The following NOTCH1 variants were observed in gnomAD, a reference collection of about 807,000 sequenced individuals.
The protein encoded by NOTCH1 is neurogenic locus notch homolog protein 1.
NOTCH1 carries 37 observed loss-of-function variants against 254.8 expected under a neutral mutation model. The ratio of observed to expected loss-of-function variants is 0.15; its 90% CI spans 0.11 to 0.19. The LOEUF (loss-of-function observed/expected upper bound fraction) is 0.19, where lower values mean the gene tolerates loss of function less well. NOTCH1 is among the 10% of genes least tolerant of loss of function. The pLI is 1.00. For missense variants in NOTCH1, 2,972 were observed against 3,708.6 expected (o/e 0.80, Z 5.16); for synonymous variants, 1,731 against 1,618.1 (o/e 1.07, Z -1.68).
chr9:136,502,040 A>G lies in NOTCH1; in HGVS notation c.5433T>C (p.Asn1811=), dbSNP rs1843005487. Residue 1811 remains asparagine (N), a synonymous_variant, in exon 29 of 34, where the codon AAT becomes AAC. Transcript: ENST00000651671. ...SDGALMDDNQ[N]EWGDEDLETK... ...TCTCCAGGTCCTCGTCCCCCCACTC[A>G]TTCTGGTTGTCGTCCATGAGGGCAC... The G allele has an allele frequency of 1.2e-6, 2 of 1,613,074 alleles. No homozygotes were observed. The highest frequency in any genetic ancestry group is 1.1e-5 in the South Asian group (1 of 91,082).
chr9:136,512,445 G>A (rs1275634932), intron 15 of NOTCH1, among the ~76,000 whole-genome samples: 1 of 152,206 alleles, frequency 6.6e-6, no homozygotes, highest in Non-Finnish European at 1.5e-5. Flanking sequence ...ATCATTTCCT[G>A]TGATCCCCTT....
rs1308322137 is a variant in NOTCH1, at chr9:136,504,204, C to CT, written c.5018+468dup. On this transcript the variant is annotated intron_variant, in intron 26 of 33. Transcript: ENST00000651671. ...GTTTTGTTTTTTACTTCTTTTAATA[C>CT]TTTTTTAAAAAAAACAGAGACAAGG... 7.2e-5 allele frequency among the ~76,000 whole-genome samples: 11 copies of CT among 152,358 alleles called. No homozygotes were observed. The South Asian group carries it at 2.1e-3, about 29-fold the overall frequency.
At chr9:136,502,143 A>G (rs2133330391) in intron 28 of NOTCH1, 55 bp from the exon 29 acceptor site, 1 of 1,606,952 alleles carries the variant, frequency 6.2e-7, no homozygotes. Flanking sequence ...GGAAGCCCCC[A>G]GAGACCCCTG....
intron 22 of NOTCH1, 120 bp from the exon 23 acceptor site, chr9:136,507,093 A>AG: frequency 6.7e-7 from 1 of 1,494,346 alleles, no homozygotes; most frequent in Non-Finnish European, 9.1e-7. Flanking sequence ...CGGGAGAGGC[A>AG]GGTGTCAAGG....
At chr9:136,533,659 C>T (rs1162165782) in intron 2 of NOTCH1, among the ~76,000 whole-genome samples, 5 of 152,244 alleles carry the variant, frequency 3.3e-5, no homozygotes, top group South Asian at 2.1e-4. Context: ...CCCGCAGGGT[C>T]GAGGGCAGGA....
chr9:136,529,631 C>T (rs1009907848), intron 2 of NOTCH1, among the ~76,000 whole-genome samples: 1 of 152,244 alleles, frequency 6.6e-6, no homozygotes, highest in African/African-American at 2.4e-5. Context: ...CAAGGAAGGC[C>T]CCGGGCTCCT....
At chr9:136,510,422 G>T in intron 17 of NOTCH1, 1 of 613,912 alleles carries the variant, frequency 1.6e-6, no homozygotes, top group Non-Finnish European at 2.9e-6. Flanking sequence ...AGCCGTGGGA[G>T]GGGCTCTCGT....
chr9:136,509,685 G>A (rs2133350031), intron 18 of NOTCH1, 48 bp downstream of exon 18: 1 of 1,558,772 alleles, frequency 6.4e-7, no homozygotes, highest in Non-Finnish European at 8.8e-7. Context: ...ACTGCGTGTG[G>A]CCCGCACCGC....
intron 17 of NOTCH1, chr9:136,510,428 C>T (rs2133352328): frequency 1.6e-6 from 1 of 621,392 alleles, no homozygotes; most frequent in East Asian, 2.8e-5. Context: ...GGGAGGGGCT[C>T]TCGTGACTCT....
In NOTCH1 at chr9:136,508,858, C is replaced by T. The variant is rs753242532; in HGVS notation, c.3171+12G>A. On this transcript the variant is annotated intron_variant, in intron 19 of 33. Coordinates refer to ENST00000651671, the MANE Select transcript of NOTCH1 (RefSeq NM_017617.5). ...CCCCTCCTTCGGGCACCTCTGTGGC[C>T]GGCGCACTCACCTGGCAGTTGGGGC... 4.5e-5 allele frequency: 69 copies of T among 1,539,830 alleles called. No individual in the cohort carries two copies. Among genetic ancestry groups the T allele is most frequent in the Admixed American group, 4.3e-4 (22 of 50,820 alleles).
Position 136,497,199 on chromosome 9 carries a change from C to T in NOTCH1, c.6540G>A (p.Arg2180=), listed in dbSNP as rs549193636. 8 of 1,612,826 alleles carry T rather than the reference C, an allele frequency of 5.0e-6. No individual in the cohort carries two copies. The African/African-American group carries it at 9.3e-5, about 19-fold the overall frequency. Residue 2180 remains arginine (R), a synonymous_variant, in exon 34 of 34, where the codon AGG becomes AGA. Coordinates refer to ENST00000651671, the MANE Select transcript of NOTCH1 (RefSeq NM_017617.5). ...AGCCCTTGCCGTCCTGGGACTTCTT[C>T]CTCCGTGCCTTGAGGTCCTTGGCCT... ...SKEAKDLKAR[R]KKSQDGKGCL...
Position 136,495,926 on chromosome 9 carries a change from TA to T in NOTCH1, c.*144del, listed in dbSNP as rs150688870. On this transcript the variant is annotated 3_prime_UTR_variant, in exon 34 of 34. Coordinates refer to ENST00000651671, the MANE Select transcript of NOTCH1 (RefSeq NM_017617.5). ...AAAATAAAAGTACATAAATAAATAC[TA>T]AAAAAAATTAAAATCCTCGTTCTTA... The T allele has an allele frequency of 7.2e-5, 62 of 866,728 alleles. No homozygotes were observed. The highest frequency in any genetic ancestry group is 9.6e-5 in the South Asian group (5 of 52,202). 53.7% of individuals were successfully genotyped at this position (866,728 alleles called of 1,614,324 possible).
At chr9:136,536,684 CA>C (rs1342563567) in intron 2 of NOTCH1, among the ~76,000 whole-genome samples, 1 of 152,240 alleles carries the variant, frequency 6.6e-6, no homozygotes, top group African/African-American at 2.4e-5. Flanking sequence ...CAGGTGCACC[CA>C]GATGGGGTCC....
rs1589062589 is a variant in NOTCH1, at chr9:136,510,664, T to C, written c.2729A>G (p.Asp910Gly). ...GCGGGGCTACTCACTGGGCCGGCAG[T>C]CGTCGATGTCGGTCTCGCAGTTGCG... ...SGRNCETDID[D>G]CRPNPCHNGG... Residue 910 changes from aspartate (D) to glycine (G), a missense_variant, in exon 17 of 34, where the codon GAC (aspartate) becomes GGC (glycine). Asp to Gly is a moderately conservative substitution (Grantham distance 94). This residue lies in a region of NOTCH1 where 1,343 missense variants were observed against 1,557.0 expected (regional missense o/e 0.86). Transcript: ENST00000651671. 1.2e-6 allele frequency: 2 copies of C among 1,606,870 alleles called. No homozygotes were observed. Among genetic ancestry groups the C allele is most frequent in the South Asian group, 1.1e-5 (1 of 90,808 alleles).
intron 12 of NOTCH1, 137 bp from the exon 13 acceptor site, chr9:136,514,839 GA>G (rs1425427993): frequency 4.2e-6 from 4 of 959,586 alleles, no homozygotes; most frequent in Non-Finnish European, 6.4e-6. Context: ...AACCATCTTG[GA>G]TCACAATGTG....
intron 21 of NOTCH1, 25 bp from the exon 22 acceptor site, chr9:136,507,462 C>T: frequency 6.3e-7 from 1 of 1,586,302 alleles, no homozygotes. Flanking sequence ...GAACGAGGGG[C>T]CCTTCGGCTC....
chr9:136,498,950 G>C lies in NOTCH1; in HGVS notation c.6129C>G (p.Ala2043=), dbSNP rs563053477. Residue 2043 remains alanine, a synonymous_variant, in exon 33 of 34, where the codon GCC becomes GCG. Coordinates refer to ENST00000651671, the MANE Select transcript of NOTCH1 (RefSeq NM_017617.5). ...CCCCGTTCTTCAGGAGCACAACTGC[G>C]GCATCCACATTGTTCACGGCGGCGG... The part of the protein sequence containing the change: ...HWAAAVNNVD[A]AVVLLKNGAN... 3.7e-6 allele frequency: 6 copies of C among 1,613,678 alleles called. No individual in the cohort carries two copies. The highest frequency in any genetic ancestry group is 5.1e-6 in the Non-Finnish European group (6 of 1,180,012).
At chr9:136,516,438 C>T (rs959611167) in intron 9 of NOTCH1, among the ~76,000 whole-genome samples, 4 of 152,352 alleles carry the variant, frequency 2.6e-5, no homozygotes, top group Admixed American at 1.3e-4. Flanking sequence ...GCTGGCAACG[C>T]CTCCCTGGGC....
At chr9:136,499,895 G>A (rs1384014516) in intron 31 of NOTCH1, among the ~76,000 whole-genome samples, 4 of 152,244 alleles carry the variant, frequency 2.6e-5, no homozygotes, top group Non-Finnish European at 5.9e-5. Context: ...ATTTCTGCGA[G>A]ATGACAATGT....
Sources: allele counts gnomAD v4.1 joint callset (sites outside exome capture counted in the v4.1 genomes callset), GRCh38; gene constraint gnomAD v4.1.1; regional missense constraint gnomAD v4.1.1; transcripts MANE v1.5; gene names NCBI Gene and HGNC (gene_info 2026-07-23, HGNC 2026-07-21).